Variants in SLC36A1 observed in about 807,000 individuals in gnomAD.
The protein encoded by SLC36A1 is proton-coupled amino acid transporter 1.
In SLC36A1, 30 loss-of-function variants were observed where a neutral mutation model predicts 47.5. The observed-to-expected ratio is 0.63, with a 90% CI of 0.47 to 0.86. The LOEUF (loss-of-function observed/expected upper bound fraction) is 0.86. Among genes scored for constraint, SLC36A1 ranks in the 40% least tolerant of loss-of-function variants. The pLI, the probability that SLC36A1 is intolerant of heterozygous loss-of-function variation, is 0.00. For synonymous variants in SLC36A1, 255 were observed against 249.7 expected (o/e 1.02, Z -0.20); for missense variants, 517 against 606.0 (o/e 0.85, Z 1.54).
At chr5:151,505,725 C>T in the SLC36A1 span, 3 of 1,613,832 alleles carry the variant, frequency 1.9e-6, no homozygotes, top group Admixed American at 1.7e-5. Context: ...CATACCCACC[C>T]CCTTGTAGCC....
At chr5:151,384,394 A>G in the SLC36A1 span, among the ~76,000 whole-genome samples, 3 of 152,238 alleles carry the variant, frequency 2.0e-5, no homozygotes, top group African/African-American at 4.8e-5. Context: ...GCCGGAAGAG[A>G]AATCTATGGG....
chr5:151,475,714 A>G (rs141548784), intron 8 of SLC36A1, among the ~76,000 whole-genome samples: 7 of 152,360 alleles, frequency 4.6e-5, no homozygotes, highest in Non-Finnish European at 1.0e-4. Flanking sequence ...CAGCAGGATC[A>G]TGTTGGTGTG....
chr5:151,543,418 G>A, the SLC36A1 span: 13 of 1,614,050 alleles, frequency 8.1e-6, no homozygotes, highest in Middle Eastern at 1.6e-4. Context: ...GATCTTCACC[G>A]TGCAGAAGGC....
chr5:151,549,287 C>A, the SLC36A1 span: 18 of 1,611,842 alleles, frequency 1.1e-5, no homozygotes, highest in Non-Finnish European at 1.5e-5. Context: ...CATGGCCAGG[C>A]CTCTCACCTT....
chr5:151,388,096 T>C, the SLC36A1 span, among the ~76,000 whole-genome samples: 1 of 152,224 alleles, frequency 6.6e-6, no homozygotes, highest in East Asian at 1.9e-4. Flanking sequence ...TAGGCCTTTT[T>C]CTTCAGATCC....
At chr5:151,523,943 C>T in the SLC36A1 span, among the ~76,000 whole-genome samples, 4 of 152,156 alleles carry the variant, frequency 2.6e-5, no homozygotes, top group East Asian at 1.9e-4. Flanking sequence ...ACCCCTGAAT[C>T]GTCTCTGTTC....
At chr5:151,450,113 C>A (rs974698900) in intron 1 of SLC36A1, among the ~76,000 whole-genome samples, 1 of 151,838 alleles carries the variant, frequency 6.6e-6, no homozygotes, top group Admixed American at 6.6e-5. Context: ...CAGATGTCCA[C>A]TTATTAGCAT....
chr5:151,545,753 T>C, the SLC36A1 span: 2 of 1,614,040 alleles, frequency 1.2e-6, no homozygotes, highest in Non-Finnish European at 1.7e-6. Context: ...TCTTTGTCAC[T>C]GTCAGAGGCA....
the SLC36A1 span, among the ~76,000 whole-genome samples, chr5:151,376,428 C>A: frequency 7.2e-5 from 11 of 151,888 alleles, no homozygotes; most frequent in Non-Finnish European, 1.6e-4. Flanking sequence ...TAGTTCTGCT[C>A]TAATCTTTAT....
the SLC36A1 span, chr5:151,545,516 T>C: frequency 6.2e-7 from 1 of 1,614,128 alleles, no homozygotes; most frequent in Non-Finnish European, 8.5e-7. Flanking sequence ...TCTGAGAATC[T>C]GGGAGGGGAA....
the SLC36A1 span, among the ~76,000 whole-genome samples, chr5:151,361,030 A>T: frequency 6.6e-6 from 1 of 152,208 alleles, no homozygotes; most frequent in Non-Finnish European, 1.5e-5. Flanking sequence ...GGTTTTGGCC[A>T]TTAAAGTAAT....
chr5:151,464,397 G>A, intron 3 of SLC36A1, 117 bp from the exon 4 acceptor site: 1 of 815,238 alleles, frequency 1.2e-6, no homozygotes, highest in Middle Eastern at 2.2e-4. Context: ...CCAAAGTTTT[G>A]TCACTGAAAA....
intron 1 of SLC36A1, among the ~76,000 whole-genome samples, chr5:151,457,745 A>G (rs1167103186): frequency 6.6e-6 from 1 of 152,166 alleles, no homozygotes; most frequent in Non-Finnish European, 1.5e-5. Flanking sequence ...CTGTGGTCAC[A>G]GCAGAGAGAA....
the SLC36A1 span, among the ~76,000 whole-genome samples, chr5:151,523,162 A>G: frequency 6.4e-4 from 97 of 152,268 alleles, no homozygotes; most frequent in Admixed American, 6.3e-3. Context: ...GATTACACCT[A>G]CTGCTGGAAG....
chr5:151,552,379 A>G, the SLC36A1 span, among the ~76,000 whole-genome samples: 9 of 152,216 alleles, frequency 5.9e-5, no homozygotes, highest in African/African-American at 2.2e-4. Flanking sequence ...CAGAACTGGA[A>G]GTAAGTTCAG....
the SLC36A1 span, among the ~76,000 whole-genome samples, chr5:151,535,764 C>T: frequency 6.6e-6 from 1 of 151,998 alleles, no homozygotes; most frequent in East Asian, 1.9e-4. Context: ...GTGGACAGAG[C>T]CCTAAACCCA....
chr5:151,420,971 C>T, the SLC36A1 span, among the ~76,000 whole-genome samples: 12 of 150,486 alleles, frequency 8.0e-5, no homozygotes, highest in Admixed American at 1.3e-4. Context: ...CCCAGGTTCA[C>T]GCCATTCTCC....
the SLC36A1 span, among the ~76,000 whole-genome samples, chr5:151,501,973 C>T: frequency 2.0e-5 from 3 of 148,130 alleles, 1 homozygote; most frequent in African/African-American, 8.0e-5. Context: ...AATAAAACAC[C>T]GAGGGCATTC....
At chr5:151,408,606 C>T in the SLC36A1 span, among the ~76,000 whole-genome samples, 1 of 152,128 alleles carries the variant, frequency 6.6e-6, no homozygotes, top group Admixed American at 6.6e-5. Flanking sequence ...AGAAAACAAA[C>T]ATTGTATGTC....
Sources: gnomAD v4.1 joint callset for allele counts (sites outside exome capture counted in the v4.1 genomes callset) on GRCh38, gnomAD v4.1.1 for gene constraint, MANE v1.5 for transcripts, NCBI Gene and HGNC (gene_info 2026-07-23, HGNC 2026-07-21) for gene names.